The following GLIS1 variants were observed in gnomAD, a reference collection of about 807,000 sequenced individuals.
The protein encoded by GLIS1 is GLIS family zinc finger 1, also known as zinc finger protein GLIS1.
In GLIS1, 24 loss-of-function variants were observed where a neutral mutation model predicts 63.8. The ratio of observed to expected loss-of-function variants is 0.38; its 90% CI spans 0.27 to 0.53. GLIS1 has a LOEUF of 0.53. GLIS1 is among the 20% of genes least tolerant of loss of function. GLIS1 has a pLI of 0.85. For synonymous variants in GLIS1, 450 were observed against 482.5 expected (o/e 0.93, Z 0.88); for missense variants, 1,036 against 1,074.1 (o/e 0.96, Z 0.50).
chr1:53,520,809 C>T (rs1219216138), intron 6 of GLIS1, 43 bp from the exon 7 acceptor site: 1 of 1,554,568 alleles, frequency 6.4e-7, no homozygotes, highest in African/African-American at 1.4e-5. Flanking sequence ...GTGTGAGACC[C>T]CTGCCCACCA....
At chr1:53,629,840 T>C (rs779267233) in intron 2 of GLIS1, among the ~76,000 whole-genome samples, 138 of 152,232 alleles carry the variant, frequency 9.1e-4, no homozygotes, top group Non-Finnish European at 1.1e-3. Flanking sequence ...TTCTTGACCA[T>C]TCCTGCACAC....
chr1:53,689,178 AG>A (rs1452933385), intron 2 of GLIS1, among the ~76,000 whole-genome samples: 1 of 152,202 alleles, frequency 6.6e-6, no homozygotes, highest in African/African-American at 2.4e-5. Context: ...CTCATTCAAC[AG>A]TCATTAGAAA....
At chr1:53,613,519 C>A (rs1441938553) in intron 2 of GLIS1, among the ~76,000 whole-genome samples, 1 of 152,128 alleles carries the variant, frequency 6.6e-6, no homozygotes, top group African/African-American at 2.4e-5. Flanking sequence ...AGTTATTCAG[C>A]AGAAATTTTA....
intron 2 of GLIS1, among the ~76,000 whole-genome samples, chr1:53,733,432 C>T (rs1208340766): frequency 6.6e-6 from 1 of 152,146 alleles, no homozygotes; most frequent in African/African-American, 2.4e-5. Context: ...GACCTCAGTC[C>T]AGCTAAGCAC....
chr1:53,532,886 T>C (rs1275132736), intron 4 of GLIS1, among the ~76,000 whole-genome samples: 2 of 152,266 alleles, frequency 1.3e-5, no homozygotes, highest in Non-Finnish European at 2.9e-5. Context: ...GTCCCCCTCC[T>C]GGGACTCCTT....
At chr1:53,651,828 C>T (rs530785812) in intron 2 of GLIS1, among the ~76,000 whole-genome samples, 22 of 149,644 alleles carry the variant, frequency 1.5e-4, no homozygotes, top group African/African-American at 5.5e-4. Context: ...GAGCCATGTT[C>T]GTGCCACTGC....
At chr1:53,718,683 T>C (rs1455822543) in intron 2 of GLIS1, among the ~76,000 whole-genome samples, 1 of 152,080 alleles carries the variant, frequency 6.6e-6, no homozygotes, top group Non-Finnish European at 1.5e-5. Flanking sequence ...ATCTGCAGAC[T>C]TGTTCCCCAT....
In GLIS1 at chr1:53,539,733, G is replaced by A. The variant is rs926618381; in HGVS notation, c.1321-9781C>T. Among the ~76,000 whole-genome samples the A allele has an allele frequency of 6.6e-6, 1 of 152,082 alleles. No homozygotes were observed. Among genetic ancestry groups the A allele is most frequent in the African/African-American group, 2.4e-5 (1 of 41,394 alleles). ...CAGCCACACCGACACACTGCCCCACGCATAGCACAGCACACGTGGAAACTG... is the reference window on the plus strand; with the variant it reads ...CAGCCACACCGACACACTGCCCCACACATAGCACAGCACACGTGGAAACTG... On this transcript the variant is annotated intron_variant, in intron 4 of 10. Transcript: ENST00000628545. This position sits in a 1 kb window ranked among gnomAD's most constrained non-coding sequence, Gnocchi z 5.0.
intron 2 of GLIS1, among the ~76,000 whole-genome samples, chr1:53,657,016 G>A (rs1417249544): frequency 4.2e-5 from 2 of 47,766 alleles, no homozygotes; most frequent in African/African-American, 3.3e-5. Flanking sequence ...GAGGGACAGC[G>A]ATATCACAGT....
At chr1:53,704,571 A>C (rs1646557478) in intron 2 of GLIS1, among the ~76,000 whole-genome samples, 1 of 151,912 alleles carries the variant, frequency 6.6e-6, no homozygotes, top group Non-Finnish European at 1.5e-5. Flanking sequence ...AAAGGAAGGG[A>C]GAGAAGGGGT....
chr1:53,736,254 G>C (rs895569123), intron 2 of GLIS1, among the ~76,000 whole-genome samples: 1 of 152,142 alleles, frequency 6.6e-6, no homozygotes, highest in Non-Finnish European at 1.5e-5. Flanking sequence ...ACATGTTTGG[G>C]GGCGTGCGTA....
At chr1:53,669,647 T>C (rs1044491025) in intron 2 of GLIS1, among the ~76,000 whole-genome samples, 1 of 152,210 alleles carries the variant, frequency 6.6e-6, no homozygotes, top group Non-Finnish European at 1.5e-5. Context: ...GTGGACCTTA[T>C]AGGCTGCAGG....
chr1:53,693,084 C>A (rs1168785321), intron 2 of GLIS1, among the ~76,000 whole-genome samples: 2 of 152,194 alleles, frequency 1.3e-5, no homozygotes. Context: ...TCGTATCAAC[C>A]CAGACAGAGA....
chr1:53,541,706 A>G (rs1465573857), intron 4 of GLIS1, among the ~76,000 whole-genome samples: 1 of 152,280 alleles, frequency 6.6e-6, no homozygotes, highest in African/African-American at 2.4e-5. Flanking sequence ...GAACAGACAG[A>G]GGCAAACCCA....
intron 2 of GLIS1, among the ~76,000 whole-genome samples, chr1:53,698,062 C>T (rs1442455387): frequency 2.6e-5 from 4 of 152,030 alleles, no homozygotes; most frequent in African/African-American, 9.7e-5. Context: ...GCCAACATTC[C>T]GAGGACTCCC....
chr1:53,723,245 T>C (rs1349419280), intron 2 of GLIS1, among the ~76,000 whole-genome samples: 7 of 151,354 alleles, frequency 4.6e-5, no homozygotes, highest in Non-Finnish European at 7.4e-5. Context: ...TTTACTTTTT[T>C]TTTTTTTTGA....
chr1:53,621,061 C>T (rs569793761), intron 2 of GLIS1, among the ~76,000 whole-genome samples: 1 of 152,366 alleles, frequency 6.6e-6, no homozygotes, highest in East Asian at 1.9e-4. Context: ...GGAATCTGAA[C>T]TTTGCCCCTC....
intron 4 of GLIS1, among the ~76,000 whole-genome samples, chr1:53,563,356 C>T (rs116518457): frequency 0.011 from 1,646 of 152,306 alleles, 36 homozygotes; most frequent in African/African-American, 0.038. Flanking sequence ...GGCACAATCA[C>T]AAAACATTAG....
At chr1:53,629,921 T>C (rs1007293916) in intron 2 of GLIS1, among the ~76,000 whole-genome samples, 2 of 152,166 alleles carry the variant, frequency 1.3e-5, no homozygotes, top group Non-Finnish European at 2.9e-5. Context: ...TTCTGAGAGA[T>C]ATGTATGGTT....
Sources: allele counts gnomAD v4.1 joint callset (sites outside exome capture counted in the v4.1 genomes callset), GRCh38; gene constraint gnomAD v4.1.1; non-coding constraint Gnocchi (gnomAD v3.1); transcripts MANE v1.5; gene names NCBI Gene and HGNC (gene_info 2026-07-23, HGNC 2026-07-21).